MICU3: variants seen among roughly 807,000 people sequenced by gnomAD.
MICU3 encodes the protein calcium uptake protein 3, mitochondrial.
MICU3 carries 62 observed loss-of-function variants against 66.5 expected under a neutral mutation model. The ratio of observed to expected loss-of-function variants is 0.93; its 90% CI spans 0.76 to 1.15. The LOEUF is 1.15. Ranked by LOEUF, MICU3 falls within the 50% of genes most tolerant of loss-of-function variation. The pLI is 0.00. For synonymous variants in MICU3, 308 were observed against 240.7 expected (o/e 1.28, Z -2.59); for missense variants, 779 against 664.4 (o/e 1.17, Z -1.90).
At chr8:17,066,604 G>A (rs1236779024) in intron 2 of MICU3, among the ~76,000 whole-genome samples, 3 of 141,878 alleles carry the variant, frequency 2.1e-5, no homozygotes, top group Admixed American at 7.2e-5. Flanking sequence ...GTTCAGTGAC[G>A]TGATCACTAC....
chr8:17,072,746 G>C (rs188964163), intron 3 of MICU3, among the ~76,000 whole-genome samples: 38 of 152,218 alleles, frequency 2.5e-4, no homozygotes, highest in Admixed American at 5.9e-4. Flanking sequence ...AACCTTACTA[G>C]TAACTTAGGG....
chr8:17,081,781 T>A (rs201471802), intron 5 of MICU3, 41 bp downstream of exon 5: 1 of 837,452 alleles, frequency 1.2e-6, no homozygotes, highest in Non-Finnish European at 1.9e-6. Flanking sequence ...TGCAGCTTTA[T>A]TTTTTAAACG....
intron 2 of MICU3, among the ~76,000 whole-genome samples, chr8:17,065,286 A>G (rs1420436277): frequency 1.3e-5 from 2 of 152,210 alleles, no homozygotes; most frequent in African/African-American, 2.4e-5. Flanking sequence ...TAAATCCTCA[A>G]TAATTTGACA....
chr8:17,068,246 T>A (rs1819019691), intron 2 of MICU3, among the ~76,000 whole-genome samples: 2 of 152,130 alleles, frequency 1.3e-5, no homozygotes, highest in African/African-American at 2.4e-5. Flanking sequence ...TCTTAATGGC[T>A]CTTTAGTCTT....
intron 3 of MICU3, among the ~76,000 whole-genome samples, chr8:17,071,554 C>T (rs1563329653): frequency 6.6e-6 from 1 of 151,816 alleles, no homozygotes; most frequent in Non-Finnish European, 1.5e-5. Context: ...AGGACTTCAA[C>T]ATATGAATCG....
At position 17,027,456 on chromosome 8, in the gene MICU3, G is replaced by C; in HGVS notation, c.177G>C (p.Arg59Ser). ...EERAVAEAAW[R>S]RRRRWGELSV... ...GGGCTGTGGCGGAGGCGGCATGGAG[G>C]CGGCGGCGGCGCTGGGGGGAGCTGA... The change falls in exon 1 of 15, where the codon AGG becomes AGC. Residue 59 changes from arginine (R) to serine (S), a missense_variant. By Grantham distance (110) the Arg-to-Ser change is moderately radical. Coordinates refer to ENST00000318063, the MANE Select transcript of MICU3 (RefSeq NM_181723.3). The C allele has an allele frequency of 7.7e-7, 1 of 1,296,602 alleles. No homozygotes were observed. The highest frequency in any genetic ancestry group is 9.7e-7 in the Non-Finnish European group (1 of 1,026,932). The allele number at this position is 1,296,602 out of a possible 1,614,324, so 80.3% of individuals were successfully genotyped here. A position where few individuals can be genotyped will look rare whatever the true frequency, so the allele number is the denominator to read the frequency against.
At chr8:17,116,411 G>C in intron 12 of MICU3, 32 bp from the exon 13 acceptor site, 1 of 1,321,224 alleles carries the variant, frequency 7.6e-7, no homozygotes, top group Non-Finnish European at 1.0e-6. Context: ...AATAATAACA[G>C]TCTATTCTTT....
chr8:17,031,318 C>T (rs965584344), intron 1 of MICU3, among the ~76,000 whole-genome samples: 4 of 144,450 alleles, frequency 2.8e-5, no homozygotes, highest in Middle Eastern at 3.6e-3. Context: ...GACATAGCAT[C>T]GCTCTATCGC....
intron 12 of MICU3, among the ~76,000 whole-genome samples, chr8:17,114,552 C>A (rs1802506274): frequency 6.6e-6 from 1 of 152,136 alleles, no homozygotes; most frequent in Non-Finnish European, 1.5e-5. Context: ...TTACATTAAC[C>A]AACTAACCTG....
intron 1 of MICU3, among the ~76,000 whole-genome samples, chr8:17,048,220 TAAA>T (rs1815422288): frequency 6.6e-6 from 1 of 152,030 alleles, no homozygotes; most frequent in Non-Finnish European, 1.5e-5. Context: ...TTTAATAAAA[TAAA>T]AAGAAGTCCT....
At chr8:17,096,996 T>TGA (rs1339212416) in intron 8 of MICU3, among the ~76,000 whole-genome samples, 5 of 141,142 alleles carry the variant, frequency 3.5e-5, no homozygotes, top group Non-Finnish European at 7.8e-5. Context: ...TGTGTGTGTG[T>TGA]GATTGTGGAC....
chr8:17,116,624 A>G (rs375010283), intron 13 of MICU3, 24 bp downstream of exon 13: 14 of 1,494,574 alleles, frequency 9.4e-6, no homozygotes, highest in South Asian at 1.3e-5. Context: ...TTTTAAACCT[A>G]TTGATATCCT....
chr8:17,086,133 A>G (rs914920790), intron 6 of MICU3, among the ~76,000 whole-genome samples: 1 of 151,992 alleles, frequency 6.6e-6, no homozygotes, highest in African/African-American at 2.4e-5. Context: ...TTTCTTTTTA[A>G]ATTATGGCCC....
At chr8:17,073,239 G>T (rs1001233974) in intron 3 of MICU3, among the ~76,000 whole-genome samples, 2 of 151,994 alleles carry the variant, frequency 1.3e-5, no homozygotes, top group African/African-American at 4.8e-5. Flanking sequence ...ATATCAGATC[G>T]CCCCCTTCCC....
chr8:17,032,125 G>A lies in MICU3; in HGVS notation c.381+4465G>A, dbSNP rs371022429. Among the ~76,000 whole-genome samples, 3 of 152,334 alleles carry A rather than the reference G, an allele frequency of 2.0e-5. No individual in the cohort carries two copies. In the East Asian group the frequency reaches 5.8e-4, roughly 29 times the overall value. ...GAGTTTAATATTTTGTTCAGCTAAA[G>A]CAGTTATTTTTAGCATTTGAATTGG... is the stretch of plus-strand genomic sequence containing the variant. On this transcript the variant is annotated intron_variant, in intron 1 of 14. Coordinates refer to ENST00000318063, the MANE Select transcript of MICU3 (RefSeq NM_181723.3).
intron 4 of MICU3, among the ~76,000 whole-genome samples, chr8:17,078,541 G>C (rs1338150301): frequency 6.6e-6 from 1 of 151,410 alleles, no homozygotes; most frequent in Non-Finnish European, 1.5e-5. Flanking sequence ...AATATTTCTT[G>C]GAAATGTATT....
intron 1 of MICU3, among the ~76,000 whole-genome samples, chr8:17,042,554 T>C (rs1464270010): frequency 6.6e-6 from 1 of 152,244 alleles, no homozygotes; most frequent in Non-Finnish European, 1.5e-5. Context: ...TGATATATTA[T>C]GTAAGCTAAG....
At chr8:17,131,644 G>C in the MICU3 span, 2 of 152,512 alleles carry the variant, frequency 1.3e-5, no homozygotes, top group South Asian at 2.1e-4. Flanking sequence ...CTGAACACTT[G>C]AGAAAATTGC....
At chr8:17,120,010 C>A (rs1055696090) in intron 14 of MICU3, among the ~76,000 whole-genome samples, 1 of 152,074 alleles carries the variant, frequency 6.6e-6, no homozygotes, top group Admixed American at 6.5e-5. Flanking sequence ...GTAGTGTTCC[C>A]GACCGACTTG....
Sources: allele counts gnomAD v4.1 joint callset (sites outside exome capture counted in the v4.1 genomes callset), GRCh38; gene constraint gnomAD v4.1.1; transcripts MANE v1.5; gene names NCBI Gene and HGNC (gene_info 2026-07-23, HGNC 2026-07-21).